RYR3: variants seen among roughly 807,000 people sequenced by gnomAD.
RYR3 encodes brain ryanodine receptor-calcium release channel.
Under a neutral mutation model 584.3 loss-of-function variants are expected in RYR3, and 207 were observed. The ratio of observed to expected loss-of-function variants is 0.35; its 90% CI spans 0.32 to 0.40. RYR3 has a LOEUF of 0.40. Among genes scored for constraint, RYR3 ranks in the 10% least tolerant of loss-of-function variants. The probability of loss-of-function intolerance (pLI) is 1.00; values close to 1 mark genes in which losing one functional copy is unlikely to be tolerated. For synonymous variants in RYR3, 2,416 were observed against 2,248.5 expected (o/e 1.07, Z -2.11); for missense variants, 5,616 against 6,089.2 (o/e 0.92, Z 2.59).
Position 33,701,100 on chromosome 15 carries a change from G to T in RYR3, c.6483+20G>T. ...GAGAAGGTAACCGGCCCTTGGGGTGGCAGTGTGGTGTTCTCTTCGGCCTGT... is the reference window on the plus strand; with the variant it reads ...GAGAAGGTAACCGGCCCTTGGGGTGTCAGTGTGGTGTTCTCTTCGGCCTGT... On this transcript the variant is annotated intron_variant, in intron 42 of 103. Coordinates refer to ENST00000634891, the MANE Select transcript of RYR3 (RefSeq NM_001036.6). 1 of 1,553,988 alleles carries T rather than the reference G, an allele frequency of 6.4e-7. No individual in the cohort carries two copies.
At chr15:33,413,472 C>T (rs2676019) in intron 1 of RYR3, among the ~76,000 whole-genome samples, 28,966 of 152,180 alleles carry the variant, frequency 0.19, 5,155 homozygotes, top group African/African-American at 0.47. Flanking sequence ...CTGAGAGCTC[C>T]CTGTGTGCTT....
chr15:33,700,759 G>C (rs7175886), intron 41 of RYR3, among the ~76,000 whole-genome samples: 136,732 of 152,230 alleles, frequency 0.9, 61,586 homozygotes, highest in East Asian at 1. Flanking sequence ...AACCGATTTT[G>C]TATTAATTCG....
intron 1 of RYR3, among the ~76,000 whole-genome samples, chr15:33,409,569 G>A (rs1000986564): frequency 1.3e-5 from 2 of 152,126 alleles, no homozygotes; most frequent in African/African-American, 4.8e-5. Context: ...CAGTGGTTGG[G>A]CCCACTGTTC....
At chr15:33,489,702 T>C (rs1351042943) in intron 2 of RYR3, among the ~76,000 whole-genome samples, 1 of 152,234 alleles carries the variant, frequency 6.6e-6, no homozygotes, top group African/African-American at 2.4e-5. Flanking sequence ...ATGATTTCTA[T>C]TCCTCTAGGT....
intron 38 of RYR3, among the ~76,000 whole-genome samples, chr15:33,695,613 A>G (rs988496457): frequency 1.3e-5 from 2 of 152,166 alleles, no homozygotes; most frequent in African/African-American, 4.8e-5. Flanking sequence ...TAAAGCCTTT[A>G]GATCTGTTCT....
chr15:33,647,586 T>C, intron 30 of RYR3, 126 bp downstream of exon 30: 1 of 662,072 alleles, frequency 1.5e-6, no homozygotes, highest in Middle Eastern at 2.8e-4. Flanking sequence ...TCTTTTAATA[T>C]CCATCTTGAT....
At chr15:33,442,050 T>G (rs1422821677) in intron 1 of RYR3, among the ~76,000 whole-genome samples, 1 of 152,230 alleles carries the variant, frequency 6.6e-6, no homozygotes, top group African/African-American at 2.4e-5. Context: ...ACCTATAAGA[T>G]GAAGCCAGAG....
chr15:33,817,492 GAAAAT>G (rs1040367415), intron 75 of RYR3, among the ~76,000 whole-genome samples: 7 of 152,146 alleles, frequency 4.6e-5, no homozygotes, highest in Admixed American at 3.9e-4. Flanking sequence ...GGTTCAGAGA[GAAAAT>G]AAACCCTCCT....
intron 45 of RYR3, among the ~76,000 whole-genome samples, chr15:33,725,430 G>A (rs2068312198): frequency 1.3e-5 from 2 of 152,092 alleles, no homozygotes; most frequent in Admixed American, 6.5e-5. Context: ...GTTCCCAGCT[G>A]AACGCCTACT....
intron 1 of RYR3, among the ~76,000 whole-genome samples, chr15:33,367,261 T>C (rs1242093267): frequency 6.6e-6 from 1 of 152,216 alleles, no homozygotes; most frequent in East Asian, 1.9e-4. Flanking sequence ...AGAAAATAAG[T>C]AACCAAGAAA....
chr15:33,494,748 A>G (rs771784930), intron 2 of RYR3, among the ~76,000 whole-genome samples: 8 of 152,232 alleles, frequency 5.3e-5, no homozygotes, highest in Non-Finnish European at 8.8e-5. Context: ...TGTCTAAACA[A>G]CATTATAGCT....
chr15:33,805,516 CG>C (rs1567207431), intron 69 of RYR3, among the ~76,000 whole-genome samples: 1 of 149,758 alleles, frequency 6.7e-6, no homozygotes, highest in East Asian at 2.0e-4. Context: ...CCTGCTCTGT[CG>C]CCCAGGCTGG....
chr15:33,621,374 C>A (rs1178721420), intron 19 of RYR3, among the ~76,000 whole-genome samples: 1 of 152,150 alleles, frequency 6.6e-6, no homozygotes, highest in Non-Finnish European at 1.5e-5. Context: ...ATTCTTTGCC[C>A]AGAAAGATCC....
chr15:33,421,733 G>A (rs1322139206), intron 1 of RYR3, among the ~76,000 whole-genome samples: 2 of 152,136 alleles, frequency 1.3e-5, no homozygotes, highest in Admixed American at 1.3e-4. Context: ...GTATTATTCT[G>A]TGAATTATTA....
chr15:33,583,292 A>G (rs146243437), intron 14 of RYR3, among the ~76,000 whole-genome samples: 1 of 152,350 alleles, frequency 6.6e-6, no homozygotes, highest in East Asian at 1.9e-4. Context: ...TTATTCATCC[A>G]TTAGTGTATA....
At chr15:33,487,308 G>T (rs1384060481) in intron 2 of RYR3, among the ~76,000 whole-genome samples, 7 of 152,054 alleles carry the variant, frequency 4.6e-5, no homozygotes, top group Non-Finnish European at 1.0e-4. Context: ...TGGAGGGTGA[G>T]AGAACTAAGA....
chr15:33,613,152 C>T (rs41279204), intron 18 of RYR3, 31 bp from the exon 19 acceptor site: 100,663 of 1,589,478 alleles, frequency 0.063, 3,711 homozygotes, highest in Non-Finnish European at 0.072. Flanking sequence ...TCCAGAGTTC[C>T]ACAGCCTTCT....
intron 47 of RYR3, among the ~76,000 whole-genome samples, chr15:33,729,659 G>T (rs1405044177): frequency 6.6e-6 from 1 of 151,922 alleles, no homozygotes; most frequent in Non-Finnish European, 1.5e-5. Context: ...AAGAGAGGAG[G>T]CCCCTAGAGT....
chr15:33,415,281 T>C lies in RYR3; in HGVS notation c.52-58138T>C, dbSNP rs188469481. Among the ~76,000 whole-genome samples, 325 of 152,334 alleles carry C rather than the reference T, an allele frequency of 2.1e-3. 5 individuals carry two copies. The South Asian group carries it at 0.03, about 14-fold the overall frequency. On this transcript the variant is annotated intron_variant, in intron 1 of 103. Coordinates refer to ENST00000634891, the MANE Select transcript of RYR3 (RefSeq NM_001036.6). Reference sequence around the variant, plus strand: ...ATGTGGCTACTAGAAAAGTTAAAATTACATACGTGTCTAGCAGTGTATTTC... The same window carrying C: ...ATGTGGCTACTAGAAAAGTTAAAATCACATACGTGTCTAGCAGTGTATTTC...
Sources: gnomAD v4.1 joint callset for allele counts (sites outside exome capture counted in the v4.1 genomes callset) on GRCh38, gnomAD v4.1.1 for gene constraint, MANE v1.5 for transcripts, NCBI Gene and HGNC (gene_info 2026-07-23, HGNC 2026-07-21) for gene names.